Variants in THRB observed in about 807,000 individuals in gnomAD.
The protein encoded by THRB is thyroid hormone receptor beta.
Under a neutral mutation model 47.8 loss-of-function variants are expected in THRB, and 12 were observed. The ratio of observed to expected loss-of-function variants is 0.25; its 90% CI spans 0.16 to 0.41. The LOEUF (loss-of-function observed/expected upper bound fraction) is 0.41, where lower values mean the gene tolerates loss of function less well. Ranked by LOEUF, THRB falls within the 10% of genes least tolerant of loss-of-function variation. THRB has a pLI of 1.00. For missense variants in THRB, 348 were observed against 589.2 expected (o/e 0.59, Z 4.24); for synonymous variants, 218 against 212.2 (o/e 1.03, Z -0.24).
intron 3 of THRB, among the ~76,000 whole-genome samples, chr3:24,284,302 A>G (rs1034620838): frequency 1.2e-4 from 18 of 151,844 alleles, no homozygotes; most frequent in Non-Finnish European, 2.4e-4. Context: ...CTGATCTTTG[A>G]CAAACCTGAG....
intron 1 of THRB, among the ~76,000 whole-genome samples, chr3:24,484,854 ACCTAC>A (rs1697056103): frequency 6.6e-6 from 1 of 152,228 alleles, no homozygotes; most frequent in Non-Finnish European, 1.5e-5. Context: ...TATCTAATAT[ACCTAC>A]AAGTATCATT....
chr3:24,345,162 T>C (rs1045093076), intron 1 of THRB, among the ~76,000 whole-genome samples: 27 of 152,288 alleles, frequency 1.8e-4, no homozygotes, highest in African/African-American at 6.0e-4. Flanking sequence ...ATCAAGCTAT[T>C]CAATTTTGCT....
intron 1 of THRB, among the ~76,000 whole-genome samples, chr3:24,470,137 AC>A (rs2074452340): frequency 6.6e-6 from 1 of 152,218 alleles, no homozygotes; most frequent in Non-Finnish European, 1.5e-5. Flanking sequence ...CACTAACTTT[AC>A]CCACTGCTCC....
Position 24,190,097 on chromosome 3 carries a change from T to C in THRB, c.260A>G (p.Gln87Arg). 6.2e-7 allele frequency: 1 copy of C among 1,614,090 alleles called. No individual in the cohort carries two copies. The highest frequency in any genetic ancestry group is 8.5e-7 in the Non-Finnish European group (1 of 1,179,932). The change falls in exon 5 of 11, where the codon CAA (glutamine) becomes CGA (arginine). Residue 87 changes from glutamine to arginine, a missense_variant. Gln to Arg is a conservative substitution (Grantham distance 43). Transcript: ENST00000646209. ...ACCTTTACATTTCTTCTCCTCCGTT[T>C]GGAAGGTCTGGGCACTTGAGACACT... Reference protein sequence around the residue: ...DQSVSSAQTFQTEEKKCKGYI... With the variant: ...DQSVSSAQTFRTEEKKCKGYI...
At chr3:24,336,807 C>T (rs2062287928) in intron 2 of THRB, among the ~76,000 whole-genome samples, 1 of 151,402 alleles carries the variant, frequency 6.6e-6, no homozygotes, top group Admixed American at 6.6e-5. Context: ...CTGCAAGCTC[C>T]GCCTCCTGGG....
chr3:24,171,051 TC>T (rs2040371087), intron 5 of THRB, among the ~76,000 whole-genome samples: 1 of 152,184 alleles, frequency 6.6e-6, no homozygotes, highest in Admixed American at 6.6e-5. Context: ...GTAACCATCA[TC>T]AGTGCCAATC....
intron 5 of THRB, among the ~76,000 whole-genome samples, chr3:24,153,122 A>G (rs1030017809): frequency 6.6e-6 from 1 of 152,150 alleles, no homozygotes; most frequent in Non-Finnish European, 1.5e-5. Flanking sequence ...CAATCTATTT[A>G]ACAAGGCTTA....
intron 1 of THRB, among the ~76,000 whole-genome samples, chr3:24,366,652 C>G (rs1183532310): frequency 7.8e-6 from 1 of 127,782 alleles, no homozygotes; most frequent in African/African-American, 3.0e-5. Context: ...GAAGGAGTCT[C>G]TCTCTGTCAC....
chr3:24,260,675 C>T (rs1296233877), intron 3 of THRB, among the ~76,000 whole-genome samples: 3 of 152,178 alleles, frequency 2.0e-5, no homozygotes, highest in African/African-American at 7.2e-5. Flanking sequence ...CCCCAGGTCA[C>T]TGACTCTTCC....
intron 1 of THRB, among the ~76,000 whole-genome samples, chr3:24,460,520 C>A (rs2125643541): frequency 6.6e-6 from 1 of 152,234 alleles, no homozygotes; most frequent in Non-Finnish European, 1.5e-5. Context: ...AATATTTAAA[C>A]AATTTTCTTT....
intron 5 of THRB, among the ~76,000 whole-genome samples, chr3:24,173,171 G>T (rs2040667386): frequency 6.6e-6 from 1 of 152,148 alleles, no homozygotes; most frequent in Admixed American, 6.5e-5. Context: ...CCCTCCAGGG[G>T]ATTCTGATAC....
chr3:24,456,073 T>G (rs933056929), intron 1 of THRB, among the ~76,000 whole-genome samples: 4 of 152,176 alleles, frequency 2.6e-5, no homozygotes, highest in Non-Finnish European at 5.9e-5. Context: ...TCATGCCTAT[T>G]ATCCCAGCAC....
At chr3:24,126,210 T>G (rs569675324) in intron 10 of THRB, among the ~76,000 whole-genome samples, 12 of 151,816 alleles carry the variant, frequency 7.9e-5, no homozygotes, top group Non-Finnish European at 1.8e-4. Flanking sequence ...CTGGGCAACA[T>G]AGTGAGACCT....
chr3:24,281,979 A>G (rs1338311057), intron 3 of THRB, among the ~76,000 whole-genome samples: 4 of 142,752 alleles, frequency 2.8e-5, no homozygotes, highest in Non-Finnish European at 6.0e-5. Flanking sequence ...CCCACACATT[A>G]ATAATGGGAG....
At chr3:24,221,446 A>C (rs2150007168) in intron 4 of THRB, among the ~76,000 whole-genome samples, 1 of 152,292 alleles carries the variant, frequency 6.6e-6, no homozygotes, top group Middle Eastern at 3.4e-3. Context: ...TCTTGGTTAC[A>C]GCAGGGCTTG....
In THRB at chr3:24,272,662, G is replaced by A. The variant is rs139755410; in HGVS notation, c.-43+24564C>T. ...CCATAGCATGTAAGTCAAGACAAGAGGACAGAACTAATTCATTTCTGGTAG... is the reference window on the plus strand; with the variant it reads ...CCATAGCATGTAAGTCAAGACAAGAAGACAGAACTAATTCATTTCTGGTAG... On this transcript the variant is annotated intron_variant, in intron 3 of 10. Coordinates refer to ENST00000646209, the MANE Select transcript of THRB (RefSeq NM_001354712.2). Among the ~76,000 whole-genome samples the A allele has an allele frequency of 1.3e-3, 205 of 152,244 alleles. 1 individual carries two copies. Among genetic ancestry groups the A allele is most frequent in the African/African-American group, 4.6e-3 (191 of 41,540 alleles).
At chr3:24,455,552 C>G (rs1383674604) in intron 1 of THRB, 4 of 152,174 alleles carry the variant, frequency 2.6e-5, no homozygotes, top group Non-Finnish European at 5.9e-5. Flanking sequence ...AATTAAAACA[C>G]TGGTATCAAC....
chr3:24,276,954 T>C (rs975589853), intron 3 of THRB, among the ~76,000 whole-genome samples: 3 of 150,602 alleles, frequency 2.0e-5, no homozygotes, highest in African/African-American at 7.5e-5. Flanking sequence ...ATATGCAAAC[T>C]TCAAAATAAA....
chr3:24,207,668 A>AGT, intron 4 of THRB, among the ~76,000 whole-genome samples: 1 of 152,096 alleles, frequency 6.6e-6, no homozygotes, highest in Non-Finnish European at 1.5e-5. Flanking sequence ...AAGCCAGCAA[A>AGT]AGAGCCTACT....
Sources: gnomAD v4.1 joint callset for allele counts (sites outside exome capture counted in the v4.1 genomes callset) on GRCh38, gnomAD v4.1.1 for gene constraint, MANE v1.5 for transcripts, NCBI Gene and HGNC (gene_info 2026-07-23, HGNC 2026-07-21) for gene names.